Variants in WDFY2 observed in about 807,000 individuals in gnomAD.
WDFY2 encodes the protein WD repeat and FYVE domain containing 2.
Under a neutral mutation model 56.4 loss-of-function variants are expected in WDFY2, and 36 were observed. That is an observed-to-expected ratio of 0.64 (90% CI 0.49 to 0.84). The LOEUF is 0.84. Among genes scored for constraint, WDFY2 ranks in the 40% least tolerant of loss-of-function variants. WDFY2 has a pLI of 0.00. For missense variants in WDFY2, 444 were observed against 512.2 expected (o/e 0.87, Z 1.29); for synonymous variants, 176 against 183.7 (o/e 0.96, Z 0.34).
chr13:51,607,454 A>AGT (rs1042003599), intron 1 of WDFY2, among the ~76,000 whole-genome samples: 44 of 152,268 alleles, frequency 2.9e-4, no homozygotes, highest in African/African-American at 1.0e-3. Flanking sequence ...GTTGCCAAGG[A>AGT]GTGTATATCT....
At position 51,657,458 on chromosome 13, in the gene WDFY2, A is replaced by G. The variant is rs148177568; in HGVS notation, c.138-3138A>G. Among the ~76,000 whole-genome samples, 70 of 152,252 alleles carry G rather than the reference A, an allele frequency of 4.6e-4. No homozygotes were observed. The East Asian group carries it at 0.01, about 23-fold the overall frequency. Reference sequence around the variant, plus strand: ...CTCCTTTTAACATTTCTTATAAGGAAGATCTACTAGTAATGAATTTCATTA... The same window carrying G: ...CTCCTTTTAACATTTCTTATAAGGAGGATCTACTAGTAATGAATTTCATTA... On this transcript the variant is annotated intron_variant, in intron 1 of 11. Coordinates refer to ENST00000298125, the MANE Select transcript of WDFY2 (RefSeq NM_052950.4).
At chr13:51,697,173 C>G (rs575195028) in intron 3 of WDFY2, among the ~76,000 whole-genome samples, 1 of 152,200 alleles carries the variant, frequency 6.6e-6, no homozygotes, top group South Asian at 2.1e-4. Context: ...TTGGCACAAA[C>G]TGTTTAGAAA....
At chr13:51,690,143 GAATT>G (rs1405310451) in intron 3 of WDFY2, among the ~76,000 whole-genome samples, 1 of 150,576 alleles carries the variant, frequency 6.6e-6, no homozygotes, top group East Asian at 1.9e-4. Context: ...TTATTTTAAT[GAATT>G]AATATTTAAA....
chr13:51,596,426 A>T (rs1225890105), intron 1 of WDFY2, among the ~76,000 whole-genome samples: 1 of 152,210 alleles, frequency 6.6e-6, no homozygotes, highest in African/African-American at 2.4e-5. Flanking sequence ...GCAAAATATA[A>T]ATCTTTGAGT....
intron 8 of WDFY2, among the ~76,000 whole-genome samples, chr13:51,751,653 C>T (rs1045234843): frequency 5.9e-5 from 9 of 151,638 alleles, no homozygotes; most frequent in African/African-American, 2.2e-4. Context: ...AAATCTGTTA[C>T]ACCATTCACA....
chr13:51,636,150 T>C (rs1955046220), intron 1 of WDFY2, among the ~76,000 whole-genome samples: 1 of 152,242 alleles, frequency 6.6e-6, no homozygotes, highest in Non-Finnish European at 1.5e-5. Context: ...TGAAAGATTT[T>C]GGTTTTTGCT....
At chr13:51,591,847 C>T (rs1162494350) in intron 1 of WDFY2, 1 of 152,174 alleles carries the variant, frequency 6.6e-6, no homozygotes, top group Non-Finnish European at 1.5e-5. Flanking sequence ...TGCCAGCCTA[C>T]CCCACCCCTG....
intron 1 of WDFY2, among the ~76,000 whole-genome samples, chr13:51,643,014 C>T (rs1955200752): frequency 6.6e-6 from 1 of 152,194 alleles, no homozygotes; most frequent in South Asian, 2.1e-4. Flanking sequence ...CCTTTGGCAA[C>T]TCTATGAAGA....
rs201845239 is a variant in WDFY2, at chr13:51,755,429, G to A, written c.903G>A (p.Met301Ile). Residue 301 changes from methionine to isoleucine, a missense_variant, in exon 9 of 12, where the codon ATG (methionine) becomes ATA (isoleucine). Physicochemically the swap from Met to Ile is conservative, Grantham distance 10. Coordinates refer to ENST00000298125, the MANE Select transcript of WDFY2 (RefSeq NM_052950.4). ...DQPFFWNFKQ[M>I]WDSKKIGLRQ... ...CTTTCTTCTGGAACTTCAAGCAAAT[G>A]TGGGACAGTAAGAAAATTGGTCTAA... 1.2e-6 allele frequency: 2 copies of A among 1,614,216 alleles called. No individual in the cohort carries two copies. Among genetic ancestry groups the A allele is most frequent in the Non-Finnish European group, 1.7e-6 (2 of 1,180,020 alleles).
intron 2 of WDFY2, among the ~76,000 whole-genome samples, chr13:51,661,670 T>C (rs957376212): frequency 7.9e-5 from 12 of 152,238 alleles, no homozygotes; most frequent in African/African-American, 2.9e-4. Context: ...ATTAATGATA[T>C]AATAATTTTA....
chr13:51,727,590 G>A (rs1387085359), intron 5 of WDFY2, 88 bp from the exon 6 acceptor site: 29 of 1,240,238 alleles, frequency 2.3e-5, no homozygotes, highest in African/African-American at 7.4e-5. Flanking sequence ...TGGGATTTGC[G>A]TATTTCTTGT....
chr13:51,654,151 G>A (rs561152882), intron 1 of WDFY2, among the ~76,000 whole-genome samples: 4 of 152,336 alleles, frequency 2.6e-5, no homozygotes, highest in Admixed American at 1.3e-4. Context: ...TTTGATCTCA[G>A]ACTGCTGTGC....
At chr13:51,632,559 A>T (rs1954972711) in intron 1 of WDFY2, among the ~76,000 whole-genome samples, 1 of 152,160 alleles carries the variant, frequency 6.6e-6, no homozygotes, top group Non-Finnish European at 1.5e-5. Context: ...TGCAGGAGCC[A>T]GTCTGCATTT....
intron 1 of WDFY2, among the ~76,000 whole-genome samples, chr13:51,656,744 C>T (rs1955516124): frequency 6.6e-6 from 1 of 151,906 alleles, no homozygotes; most frequent in Admixed American, 6.6e-5. Context: ...GTCCTTGTCT[C>T]TTGTAATAAG....
chr13:51,759,911 T>C lies in WDFY2; in HGVS notation c.*142T>C, dbSNP rs1442363119. The C allele has an allele frequency of 8.1e-6, 7 of 864,880 alleles. No homozygotes were observed. In the East Asian group the frequency reaches 1.8e-4, roughly 23 times the overall value. The allele number at this position is 864,880 out of a possible 1,614,324, so 53.6% of individuals were successfully genotyped here. On this transcript the variant is annotated 3_prime_UTR_variant, in exon 12 of 12. Transcript: ENST00000298125. ...TGAATGAATTTGCAGATTACCCATG[T>C]GCACAGTGGGGACCTGGCCAGTGAG...
At chr13:51,633,986 A>T (rs1955000838) in intron 1 of WDFY2, among the ~76,000 whole-genome samples, 1 of 152,160 alleles carries the variant, frequency 6.6e-6, no homozygotes, top group Admixed American at 6.5e-5. Context: ...TAAGAGCATG[A>T]TGTTTGGAGA....
At chr13:51,719,979 C>T (rs1019121557) in intron 5 of WDFY2, among the ~76,000 whole-genome samples, 3 of 152,200 alleles carry the variant, frequency 2.0e-5, no homozygotes, top group East Asian at 1.9e-4. Context: ...CACAGCTGCC[C>T]GACTAGGCTC....
chr13:51,586,477 T>G lies in WDFY2; in HGVS notation c.137+1653T>G, dbSNP rs1387966915. 1.9e-5 allele frequency: 3 copies of G among 154,944 alleles called. No individual in the cohort carries two copies. The East Asian group carries it at 5.6e-4, about 29-fold the overall frequency. The allele number at this position is 154,944 out of a possible 1,614,324, so 9.6% of individuals were successfully genotyped here. Reference sequence around the variant, plus strand: ...AGGGGAAGAGAGTAGAACAAGGAGTTCAATCTGTAACTGACTGTGAACAAT... The same window carrying G: ...AGGGGAAGAGAGTAGAACAAGGAGTGCAATCTGTAACTGACTGTGAACAAT... On this transcript the variant is annotated intron_variant, in intron 1 of 11. Coordinates refer to ENST00000298125, the MANE Select transcript of WDFY2 (RefSeq NM_052950.4).
At chr13:51,640,252 A>G (rs966229622) in intron 1 of WDFY2, among the ~76,000 whole-genome samples, 6 of 152,356 alleles carry the variant, frequency 3.9e-5, no homozygotes, top group African/African-American at 1.4e-4. Flanking sequence ...GCTGTTGTAT[A>G]TAATTTATAC....
Sources: gnomAD v4.1 joint callset for allele counts (sites outside exome capture counted in the v4.1 genomes callset) on GRCh38, gnomAD v4.1.1 for gene constraint, MANE v1.5 for transcripts, NCBI Gene and HGNC (gene_info 2026-07-23, HGNC 2026-07-21) for gene names.